BBS9: variants seen among roughly 807,000 people sequenced by gnomAD.
The protein encoded by BBS9 is Bardet-Biedl syndrome 9.
BBS9 carries 89 observed loss-of-function variants against 117.7 expected under a neutral mutation model. The observed-to-expected ratio is 0.76, with a 90% CI of 0.64 to 0.90. The LOEUF is 0.90. BBS9 is among the 40% of genes least tolerant of loss of function. The probability of loss-of-function intolerance (pLI) is 0.00; values close to 1 mark genes in which losing one functional copy is unlikely to be tolerated. For missense variants in BBS9, 982 were observed against 1,042.2 expected (o/e 0.94, Z 0.80); for synonymous variants, 379 against 370.9 (o/e 1.02, Z -0.25).
rs145485929 is a variant in BBS9 at position 33,188,080 on chromosome 7, ATGTG to A, written c.442+10518_442+10521del. Among the ~76,000 whole-genome samples the A allele has an allele frequency of 1.4e-3, 103 of 73,086 alleles. 1 individual carries two copies. Among genetic ancestry groups the A allele is most frequent in the African/African-American group, 3.6e-3 (60 of 16,668 alleles). 47.9% of individuals were successfully genotyped at this position (73,086 alleles called of 152,430 possible). On this transcript the variant is annotated intron_variant, in intron 5 of 22. Coordinates refer to ENST00000242067, the MANE Select transcript of BBS9 (RefSeq NM_198428.3). ...AGAGCAGCTCCCTGTAGTTGAGTGA[ATGTG>A]TGTGTGTGTGTGTGTGTGTGTGTGT... is the stretch of plus-strand genomic sequence containing the variant.
chr7:33,579,673 G>C (rs1416026625), intron 21 of BBS9, among the ~76,000 whole-genome samples: 8 of 152,154 alleles, frequency 5.3e-5, no homozygotes, highest in African/African-American at 1.7e-4. Flanking sequence ...AAGTGTTAGT[G>C]AGCTTCCCAG....
intron 16 of BBS9, among the ~76,000 whole-genome samples, chr7:33,362,643 C>T (rs1415995271): frequency 6.6e-6 from 1 of 152,146 alleles, no homozygotes; most frequent in Non-Finnish European, 1.5e-5. Context: ...ATACCAATAA[C>T]ATTGTGTTTT....
chr7:33,539,706 G>A (rs1029978852), intron 21 of BBS9, among the ~76,000 whole-genome samples: 2 of 152,172 alleles, frequency 1.3e-5, no homozygotes, highest in Non-Finnish European at 1.5e-5. Context: ...TGTCATCATT[G>A]TTGTCAGTTT....
chr7:33,556,005 A>C (rs1855230438), intron 21 of BBS9, among the ~76,000 whole-genome samples: 1 of 152,314 alleles, frequency 6.6e-6, no homozygotes, highest in East Asian at 1.9e-4. Context: ...GTGGGTACAA[A>C]ATACATGATT....
chr7:33,250,432 TTAAA>T (rs751877964), intron 5 of BBS9, among the ~76,000 whole-genome samples: 1 of 152,204 alleles, frequency 6.6e-6, no homozygotes, highest in Non-Finnish European at 1.5e-5. Flanking sequence ...GCAAGGTCAT[TTAAA>T]TAGCTTCTGA....
Position 33,336,501 on chromosome 7 carries a change from G to C in BBS9, c.1077G>C (p.Leu359=), listed in dbSNP as rs1815384743. ...SDDGHLQCSY[L]GTDPSLFQAP... is the part of the protein sequence containing the mutation. ...ATGGTCACTTGCAGTGTTCATACCT[G>C]GGGACAGATCCTTCTCTGTTCCAAG... Residue 359 remains leucine (L), a synonymous_variant, in exon 10 of 23, where the codon CTG becomes CTC. Coordinates refer to ENST00000242067, the MANE Select transcript of BBS9 (RefSeq NM_198428.3). 3 of 1,613,430 alleles carry C rather than the reference G, an allele frequency of 1.9e-6. No individual in the cohort carries two copies. Among genetic ancestry groups the C allele is most frequent in the Non-Finnish European group, 2.5e-6 (3 of 1,179,546 alleles).
chr7:33,281,037 G>A (rs1484995944), intron 9 of BBS9, among the ~76,000 whole-genome samples: 1 of 149,580 alleles, frequency 6.7e-6, no homozygotes, highest in Non-Finnish European at 1.5e-5. Context: ...AATATTTCTG[G>A]AATTTATGTA....
At chr7:33,250,330 T>C (rs1796033095) in intron 5 of BBS9, among the ~76,000 whole-genome samples, 1 of 152,334 alleles carries the variant, frequency 6.6e-6, no homozygotes, top group Non-Finnish European at 1.5e-5. Flanking sequence ...AGTAAATGGC[T>C]GTAGTAGTTA....
intron 9 of BBS9, among the ~76,000 whole-genome samples, chr7:33,281,996 G>T (rs1802001430): frequency 6.6e-6 from 1 of 151,646 alleles, no homozygotes; most frequent in East Asian, 2.0e-4. Flanking sequence ...AAAAAAATTT[G>T]TAGAGATAGG....
rs535935289 is a variant in BBS9 at position 33,545,313 on chromosome 7, C to T, written c.2521+11137C>T. Among the ~76,000 whole-genome samples the T allele has an allele frequency of 1.1e-3, 174 of 152,264 alleles. 3 individuals carry two copies. The highest frequency in any genetic ancestry group is 3.7e-3 in the African/African-American group (152 of 41,536). On this transcript the variant is annotated intron_variant, in intron 21 of 22. Coordinates refer to ENST00000242067, the MANE Select transcript of BBS9 (RefSeq NM_198428.3). ...TACCCCCTGTTCCTCTGGCCACCCT[C>T]GCAATGGATCCCTGTGGTGCCAGGC...
intron 9 of BBS9, among the ~76,000 whole-genome samples, chr7:33,275,058 C>T (rs1413220453): frequency 6.7e-6 from 1 of 148,598 alleles, no homozygotes; most frequent in Non-Finnish European, 1.5e-5. Context: ...AGTTTCTCAT[C>T]AGGATGGAGT....
chr7:33,418,103 G>A (rs1460619247), intron 19 of BBS9, among the ~76,000 whole-genome samples: 3 of 152,162 alleles, frequency 2.0e-5, no homozygotes. Context: ...AATTACTACA[G>A]CCCTTGGCAT....
intron 5 of BBS9, among the ~76,000 whole-genome samples, chr7:33,224,022 G>A (rs565255507): frequency 4.9e-4 from 75 of 152,254 alleles, no homozygotes; most frequent in African/African-American, 1.7e-3. Flanking sequence ...ATGGGTCTCA[G>A]TGTGTTTAAA....
chr7:33,230,596 G>A (rs1323379640), intron 5 of BBS9, among the ~76,000 whole-genome samples: 1 of 152,140 alleles, frequency 6.6e-6, no homozygotes, highest in Non-Finnish European at 1.5e-5. Context: ...TTCTGAGTCT[G>A]CAATGTCTAG....
intron 19 of BBS9, among the ~76,000 whole-genome samples, chr7:33,503,934 G>A (rs1375934925): frequency 6.6e-6 from 1 of 152,140 alleles, no homozygotes; most frequent in Non-Finnish European, 1.5e-5. Context: ...GAGGCCCCAG[G>A]GATGTTAACT....
intron 7 of BBS9, among the ~76,000 whole-genome samples, chr7:33,272,129 C>T (rs1281512218): frequency 2.6e-5 from 4 of 152,084 alleles, no homozygotes; most frequent in Non-Finnish European, 5.9e-5. Context: ...CTTTAGCAAA[C>T]TAATGCAGGA....
At chr7:33,558,330 G>A (rs538409725) in intron 21 of BBS9, among the ~76,000 whole-genome samples, 2 of 152,236 alleles carry the variant, frequency 1.3e-5, no homozygotes, top group African/African-American at 4.8e-5. Context: ...GAAGATACTT[G>A]AGGAAGCCTT....
chr7:33,243,676 T>A (rs1406037162), intron 5 of BBS9, among the ~76,000 whole-genome samples: 1 of 152,214 alleles, frequency 6.6e-6, no homozygotes, highest in East Asian at 1.9e-4. Context: ...GAGTTCTTTA[T>A]AATAGTTGTT....
At chr7:33,225,226 C>T (rs1016967212) in intron 5 of BBS9, among the ~76,000 whole-genome samples, 2 of 152,068 alleles carry the variant, frequency 1.3e-5, no homozygotes, top group Admixed American at 6.6e-5. Context: ...GAGACAAGGT[C>T]ACACTCTTTT....
Sources: allele counts gnomAD v4.1 joint callset (sites outside exome capture counted in the v4.1 genomes callset), GRCh38; gene constraint gnomAD v4.1.1; transcripts MANE v1.5; gene names NCBI Gene and HGNC (gene_info 2026-07-23, HGNC 2026-07-21).